C1QTNF7: variants seen among roughly 807,000 people sequenced by gnomAD.
C1QTNF7 encodes the protein C1q and TNF related 7, also known as complement C1q tumor necrosis factor-related protein 7.
Under a neutral mutation model 19.6 loss-of-function variants are expected in C1QTNF7, and 15 were observed. That is an observed-to-expected ratio of 0.76 (90% CI 0.51 to 1.18). The LOEUF is 1.18. Ranked by LOEUF, C1QTNF7 falls within the 50% of genes most tolerant of loss-of-function variation. The probability of loss-of-function intolerance (pLI) is 0.00; values close to 1 mark genes in which losing one functional copy is unlikely to be tolerated. For missense variants in C1QTNF7, 324 were observed against 359.7 expected (o/e 0.90, Z 0.80); for synonymous variants, 142 against 137.5 (o/e 1.03, Z -0.23).
chr4:15,340,771 A>G (rs2109276182), intron 1 of C1QTNF7, among the ~76,000 whole-genome samples: 1 of 152,268 alleles, frequency 6.6e-6, no homozygotes, highest in African/African-American at 2.4e-5. Flanking sequence ...TGTTACAGAT[A>G]TTATATATCC....
At chr4:15,407,991 G>T (rs1370058669) in intron 1 of C1QTNF7, among the ~76,000 whole-genome samples, 1 of 152,090 alleles carries the variant, frequency 6.6e-6, no homozygotes, top group Non-Finnish European at 1.5e-5. Context: ...AAAGTAGGCC[G>T]GGCTTGGTGG....
Position 15,443,546 on chromosome 4 carries a change from C to T in C1QTNF7, c.*747C>T, listed in dbSNP as rs1712874190. On this transcript the variant is annotated 3_prime_UTR_variant, in exon 3 of 3. Coordinates refer to ENST00000444304, the MANE Select transcript of C1QTNF7 (RefSeq NM_031911.5). Reference sequence around the variant, plus strand: ...AGAAGCTTTTACGCATGGAAAAACACTAATCATGCCAAGGTGTATGTGTTT... The same window carrying T: ...AGAAGCTTTTACGCATGGAAAAACATTAATCATGCCAAGGTGTATGTGTTT... The T allele has an allele frequency of 6.6e-6, 1 of 152,198 alleles. No homozygotes were observed. 9.4% of individuals were successfully genotyped at this position (152,198 alleles called of 1,614,324 possible).
At chr4:15,416,033 C>T (rs1048440647) in intron 1 of C1QTNF7, among the ~76,000 whole-genome samples, 3 of 152,080 alleles carry the variant, frequency 2.0e-5, no homozygotes, top group Non-Finnish European at 4.4e-5. Flanking sequence ...AAATTGTTGT[C>T]TTCAAATTAC....
chr4:15,396,285 T>A (rs959882171), intron 1 of C1QTNF7, among the ~76,000 whole-genome samples: 2 of 152,018 alleles, frequency 1.3e-5, no homozygotes, highest in Non-Finnish European at 1.5e-5. Flanking sequence ...TCCATCAGGT[T>A]GGAGATGATT....
intron 1 of C1QTNF7, among the ~76,000 whole-genome samples, chr4:15,407,479 A>G (rs6449138): frequency 0.37 from 56,023 of 152,004 alleles, 10,516 homozygotes; most frequent in East Asian, 0.54. Context: ...TGTTAGCCGC[A>G]AGCCTAATCA....
At chr4:15,401,002 G>T (rs1718970837) in intron 1 of C1QTNF7, among the ~76,000 whole-genome samples, 1 of 152,180 alleles carries the variant, frequency 6.6e-6, no homozygotes, top group African/African-American at 2.4e-5. Context: ...CCTAATTTTA[G>T]AGACGAGGAA....
intron 1 of C1QTNF7, among the ~76,000 whole-genome samples, chr4:15,383,858 G>C (rs1718235457): frequency 6.6e-6 from 1 of 152,220 alleles, no homozygotes. Flanking sequence ...AGGTGGCTAT[G>C]GGAGCCAAGT....
At chr4:15,402,517 G>T (rs1388309595) in intron 1 of C1QTNF7, among the ~76,000 whole-genome samples, 1 of 152,000 alleles carries the variant, frequency 6.6e-6, no homozygotes, top group African/African-American at 2.4e-5. Context: ...TGACAGAAAA[G>T]AATATAAATG....
chr4:15,350,843 G>C (rs976047064), intron 1 of C1QTNF7, among the ~76,000 whole-genome samples: 2 of 152,200 alleles, frequency 1.3e-5, no homozygotes, highest in African/African-American at 4.8e-5. Flanking sequence ...ATAGGAGACT[G>C]ATTTCAGGTA....
In C1QTNF7 at chr4:15,436,005, A is replaced by G; in HGVS notation, c.238+24A>G. ...AGGTAATGAATGAGAAGTTGCATAA[A>G]ACACCCTCCTTCACCCCCACCTTAA... On this transcript the variant is annotated intron_variant, in intron 2 of 2. Coordinates refer to ENST00000444304, the MANE Select transcript of C1QTNF7 (RefSeq NM_031911.5). 3 of 1,602,858 alleles carry G rather than the reference A, an allele frequency of 1.9e-6. No homozygotes were observed. The South Asian group carries it at 3.4e-5, about 18-fold the overall frequency.
upstream of C1QTNF7, among the ~76,000 whole-genome samples, chr4:15,426,820 A>G (rs572202986): frequency 2.0e-5 from 3 of 152,342 alleles, no homozygotes; most frequent in South Asian, 6.2e-4. Context: ...ATCACCTGAA[A>G]TTAAGCTTGT....
chr4:15,442,489 G>C lies in C1QTNF7; in HGVS notation c.560G>C (p.Cys187Ser). 2 of 1,614,194 alleles carry C rather than the reference G, an allele frequency of 1.2e-6. No homozygotes were observed. Among genetic ancestry groups the C allele is most frequent in the Non-Finnish European group, 1.7e-6 (2 of 1,180,032 alleles). Residue 187 changes from cysteine (C) to serine (S), a missense_variant, in exon 3 of 3, where the codon TGT becomes TCT. Coordinates refer to ENST00000444304, the MANE Select transcript of C1QTNF7 (RefSeq NM_031911.5). Reference protein sequence around the residue: ...HYNPATGKFICAFPGIYYFSY... With the variant: ...HYNPATGKFISAFPGIYYFSY... ...AACCCTGCCACAGGGAAGTTCATCT[G>C]TGCTTTCCCAGGGATCTATTACTTT...
At chr4:15,424,639 T>G (rs914606810), upstream of C1QTNF7, among the ~76,000 whole-genome samples, 3 of 152,034 alleles carry the variant, frequency 2.0e-5, no homozygotes, top group East Asian at 5.8e-4. Context: ...TCTTGGGGAG[T>G]GCATATATTC....
rs1712958087 is a variant in C1QTNF7 at position 15,445,481 on chromosome 4, G to A, written c.*2682G>A. The stretch of plus-strand genomic sequence containing the variant: ...TTTTAAATGTTTCTTTTATTACAAA[G>A]CCTATTTTGAGTAGCTTTTAAAACT... On this transcript the variant is annotated 3_prime_UTR_variant, in exon 3 of 3. Transcript: ENST00000444304. The A allele has an allele frequency of 6.6e-6, 1 of 152,204 alleles. No individual in the cohort carries two copies. Among genetic ancestry groups the A allele is most frequent in the South Asian group, 2.1e-4 (1 of 4,832 alleles). 9.4% of individuals were successfully genotyped at this position (152,204 alleles called of 1,614,324 possible).
intron 2 of C1QTNF7, among the ~76,000 whole-genome samples, chr4:15,436,759 C>T (rs1712554633): frequency 6.6e-6 from 1 of 152,150 alleles, no homozygotes. Context: ...TGTGTTAACT[C>T]TAAAAGAGGA....
intron 1 of C1QTNF7, among the ~76,000 whole-genome samples, chr4:15,346,590 T>G (rs943365593): frequency 6.6e-6 from 1 of 152,200 alleles, no homozygotes; most frequent in Non-Finnish European, 1.5e-5. Flanking sequence ...TCTTGCACCA[T>G]TAATTTATGT....
At chr4:15,370,965 C>T (rs1002590558) in intron 1 of C1QTNF7, among the ~76,000 whole-genome samples, 1 of 152,258 alleles carries the variant, frequency 6.6e-6, no homozygotes, top group African/African-American at 2.4e-5. Flanking sequence ...CTAAACACAA[C>T]ATGCTGTCAT....
At chr4:15,400,397 T>A (rs1718940802) in intron 1 of C1QTNF7, among the ~76,000 whole-genome samples, 1 of 152,226 alleles carries the variant, frequency 6.6e-6, no homozygotes, top group Admixed American at 6.5e-5. Flanking sequence ...GCATTAAATT[T>A]GATGCACAAG....
chr4:15,370,742 T>G (rs1717690832), intron 1 of C1QTNF7, among the ~76,000 whole-genome samples: 1 of 152,258 alleles, frequency 6.6e-6, no homozygotes, highest in African/African-American at 2.4e-5. Context: ...ATATTCTAGT[T>G]ATCTTCATCC....
Sources: allele counts gnomAD v4.1 joint callset (sites outside exome capture counted in the v4.1 genomes callset), GRCh38; gene constraint gnomAD v4.1.1; transcripts MANE v1.5; gene names NCBI Gene and HGNC (gene_info 2026-07-23, HGNC 2026-07-21).